Variants in ANKRD11 observed in about 807,000 individuals in gnomAD.
The protein encoded by ANKRD11 is ankyrin repeat domain-containing protein 11.
ANKRD11 carries 17 observed loss-of-function variants against 195.7 expected under a neutral mutation model. The ratio of observed to expected loss-of-function variants is 0.09; its 90% CI spans 0.06 to 0.13. ANKRD11 has a LOEUF of 0.13. Ranked by LOEUF, ANKRD11 falls within the 10% of genes least tolerant of loss-of-function variation. The pLI is 1.00. For synonymous variants in ANKRD11, 1,953 were observed against 1,528.1 expected (o/e 1.28, Z -6.49); for missense variants, 3,735 against 3,566.1 (o/e 1.05, Z -1.21).
chr16:89,381,481 C>A (rs1030728197), intron 2 of ANKRD11, among the ~76,000 whole-genome samples: 2 of 151,836 alleles, frequency 1.3e-5, no homozygotes, highest in Non-Finnish European at 2.9e-5. Flanking sequence ...TGTAACAGCC[C>A]CAACATTAAA....
intron 2 of ANKRD11, among the ~76,000 whole-genome samples, chr16:89,321,959 A>G (rs1328492516): frequency 6.6e-6 from 1 of 152,080 alleles, no homozygotes. Flanking sequence ...GCTTAAGTCT[A>G]TTTTCTCCTC....
chr16:89,458,467 G>A (rs1174273239), intron 1 of ANKRD11, among the ~76,000 whole-genome samples: 4 of 152,026 alleles, frequency 2.6e-5, no homozygotes, highest in Admixed American at 1.3e-4. Flanking sequence ...CTCGTGATCC[G>A]CCCATCTCGG....
At chr16:89,341,995 C>A (rs1309621001) in intron 2 of ANKRD11, among the ~76,000 whole-genome samples, 14 of 89,622 alleles carry the variant, frequency 1.6e-4, no homozygotes, top group African/African-American at 5.1e-4. Context: ...CCACCCACAG[C>A]GGCCACAGCC....
chr16:89,354,835 C>T (rs1048168621), intron 2 of ANKRD11, among the ~76,000 whole-genome samples: 3 of 151,700 alleles, frequency 2.0e-5, no homozygotes, highest in Non-Finnish European at 2.9e-5. Context: ...TGCAGTGAGC[C>T]GAGATCACAC....
chr16:89,337,006 CCAAAAAA>C (rs1196043105), intron 2 of ANKRD11, among the ~76,000 whole-genome samples: 4 of 39,720 alleles, frequency 1.0e-4, no homozygotes, highest in Admixed American at 3.6e-4. Flanking sequence ...CCTGGCTCTA[CCAAAAAA>C]AAAAAAAAAA....
At chr16:89,455,387 G>A (rs1392912591) in intron 1 of ANKRD11, among the ~76,000 whole-genome samples, 1 of 152,092 alleles carries the variant, frequency 6.6e-6, no homozygotes, top group Non-Finnish European at 1.5e-5. Context: ...TGCTGTGGCA[G>A]CAGTGCAGAG....
chr16:89,292,372 A>C (rs1207647156), intron 4 of ANKRD11, among the ~76,000 whole-genome samples: 1 of 152,138 alleles, frequency 6.6e-6, no homozygotes, highest in African/African-American at 2.4e-5. Context: ...GGTCTTAACT[A>C]GTCTCTCAGC....
At chr16:89,325,989 C>G (rs1462914218) in intron 2 of ANKRD11, among the ~76,000 whole-genome samples, 1 of 152,170 alleles carries the variant, frequency 6.6e-6, no homozygotes, top group East Asian at 1.9e-4. Flanking sequence ...TGCAGGGCAC[C>G]CACTGCAGAG....
intron 2 of ANKRD11, among the ~76,000 whole-genome samples, chr16:89,353,068 G>A (rs1334155951): frequency 6.6e-6 from 1 of 152,160 alleles, no homozygotes; most frequent in Admixed American, 6.5e-5. Context: ...GGCTGGGCGC[G>A]GTGGCTCACG....
chr16:89,424,523 G>A (rs932884996), intron 1 of ANKRD11, among the ~76,000 whole-genome samples: 2 of 151,892 alleles, frequency 1.3e-5, no homozygotes, highest in Admixed American at 6.6e-5. Context: ...GGGTGTGGAC[G>A]GGTGAATGTG....
chr16:89,395,890 C>T (rs191367904), intron 2 of ANKRD11: 16 of 152,332 alleles, frequency 1.1e-4, no homozygotes, highest in East Asian at 5.8e-4. Context: ...GTCCCGAGCA[C>T]GCAGCATTCA....
intron 4 of ANKRD11, among the ~76,000 whole-genome samples, chr16:89,297,083 A>G (rs1392641103): frequency 6.6e-6 from 1 of 151,688 alleles, no homozygotes; most frequent in African/African-American, 2.4e-5. Context: ...CTGGGCTCCA[A>G]GGCAGAGACC....
chr16:89,412,668 C>G (rs2042147255), intron 2 of ANKRD11: 2 of 152,006 alleles, frequency 1.3e-5, no homozygotes, highest in Non-Finnish European at 2.9e-5. Context: ...TTTGCTAGAT[C>G]CAGGCAAAAT....
At chr16:89,437,330 G>A (rs1200216346) in intron 1 of ANKRD11, among the ~76,000 whole-genome samples, 4 of 152,212 alleles carry the variant, frequency 2.6e-5, no homozygotes, top group African/African-American at 9.6e-5. Flanking sequence ...GTGAAAGACT[G>A]TATTGTTTGC....
intron 2 of ANKRD11, among the ~76,000 whole-genome samples, chr16:89,381,871 C>T (rs1298882525): frequency 6.6e-6 from 1 of 152,256 alleles, no homozygotes; most frequent in Non-Finnish European, 1.5e-5. Context: ...ACAGCCTCTG[C>T]CACAGGCCAC....
At chr16:89,367,300 G>T (rs1308274846) in intron 2 of ANKRD11, among the ~76,000 whole-genome samples, 2 of 152,244 alleles carry the variant, frequency 1.3e-5, no homozygotes, top group Non-Finnish European at 2.9e-5. Flanking sequence ...GCCAGTGCTG[G>T]CCCAGCAGTA....
At position 89,387,740 on chromosome 16, in the gene ANKRD11, C is replaced by T. The variant is rs147616088; in HGVS notation, c.-60+30544G>A. 3.3e-3 allele frequency among the ~76,000 whole-genome samples: 493 copies of T among 148,288 alleles called. 2 individuals carry two copies. Among genetic ancestry groups the T allele is most frequent in the African/African-American group, 0.011 (452 of 40,310 alleles). Reference sequence around the variant, plus strand: ...GTGCTTGGCCGGGCACGGTAGCTTGCGCCTGTAATCCCAACACTTTGGGAG... The same window carrying T: ...GTGCTTGGCCGGGCACGGTAGCTTGTGCCTGTAATCCCAACACTTTGGGAG... On this transcript the variant is annotated intron_variant, in intron 2 of 12. Transcript: ENST00000301030.
intron 1 of ANKRD11, among the ~76,000 whole-genome samples, chr16:89,469,482 C>G (rs969085660): frequency 1.3e-5 from 2 of 151,998 alleles, no homozygotes; most frequent in African/African-American, 2.4e-5. Flanking sequence ...CTTGGCCTCC[C>G]GAAGTGCTAG....
intron 7 of ANKRD11, chr16:89,286,447 C>G (rs2034653085): frequency 1.7e-6 from 1 of 597,424 alleles, no homozygotes; most frequent in East Asian, 3.3e-5. Context: ...TTCAGAAGGG[C>G]TCTGCCTCCT....
Sources: gnomAD v4.1 joint callset for allele counts (sites outside exome capture counted in the v4.1 genomes callset) on GRCh38, gnomAD v4.1.1 for gene constraint, MANE v1.5 for transcripts, NCBI Gene and HGNC (gene_info 2026-07-23, HGNC 2026-07-21) for gene names.